The following STING1 variants were observed in gnomAD, a reference collection of about 807,000 sequenced individuals.
STING1 encodes stimulator of interferon genes protein.
In STING1, 19 loss-of-function variants were observed where a neutral mutation model predicts 31.6. That is an observed-to-expected ratio of 0.60 (90% CI 0.42 to 0.88). The LOEUF (loss-of-function observed/expected upper bound fraction) is 0.88. Among genes scored for constraint, STING1 ranks in the 40% least tolerant of loss-of-function variants. The pLI, the probability that STING1 is intolerant of heterozygous loss-of-function variation, is 0.00. For synonymous variants in STING1, 200 were observed against 208.6 expected (o/e 0.96, Z 0.35); for missense variants, 371 against 483.7 (o/e 0.77, Z 2.19).
Position 139,481,039 on chromosome 5 carries a change from G to C in STING1, c.411+120C>G. ...AAACCCACTGTTCCAGGACATTATA[G>C]GTTCTACTCCATGGACTCCAGCCTT... On this transcript the variant is annotated intron_variant, in intron 4 of 7. Transcript: ENST00000330794. The surrounding 1 kb of genome is among the most constrained non-coding windows in gnomAD (Gnocchi z 4.1). 1 of 1,223,420 alleles carries C rather than the reference G, an allele frequency of 8.2e-7. No homozygotes were observed. Among genetic ancestry groups the C allele is most frequent in the African/African-American group, 1.5e-5 (1 of 67,068 alleles). 75.8% of individuals were successfully genotyped at this position (1,223,420 alleles called of 1,614,324 possible). A position where few individuals can be genotyped will look rare whatever the true frequency, so the allele number is the denominator to read the frequency against.
At position 139,481,737 on chromosome 5, in the gene STING1, C is replaced by T; in HGVS notation, c.1-33G>A. On this transcript the variant is annotated intron_variant, in intron 2 of 7. Transcript: ENST00000330794. The surrounding 1 kb of genome is among the most constrained non-coding windows in gnomAD (Gnocchi z 4.1). ...CACCAAGAAATCCATGACCATTCTC[C>T]CCTTGCCCTCCTGCCCTTCTGGGAC... 2 of 1,541,290 alleles carry T rather than the reference C, an allele frequency of 1.3e-6. No individual in the cohort carries two copies. The highest frequency in any genetic ancestry group is 1.2e-5 in the South Asian group (1 of 86,540).
In STING1 at chr5:139,481,810, C is replaced by A; in HGVS notation, c.1-106G>T. 1.1e-6 allele frequency: 1 copy of A among 897,336 alleles called. No homozygotes were observed. Among genetic ancestry groups the A allele is most frequent in the Non-Finnish European group, 1.7e-6 (1 of 583,618 alleles). The allele number at this position is 897,336 out of a possible 1,614,324, so 55.6% of individuals were successfully genotyped here. On this transcript the variant is annotated intron_variant, in intron 2 of 7. Transcript: ENST00000330794. This position sits in a 1 kb window ranked among gnomAD's most constrained non-coding sequence, Gnocchi z 4.1. ...CTCCCAGTTCCCCTTTCCCTGGTGCCCAGCCACTCCCAGAGGCTGCTCTTA... is the reference window on the plus strand; with the variant it reads ...CTCCCAGTTCCCCTTTCCCTGGTGCACAGCCACTCCCAGAGGCTGCTCTTA...
In STING1 at chr5:139,481,449, C is replaced by T. The variant is rs943902151; in HGVS notation, c.227+29G>A. 6.2e-7 allele frequency: 1 copy of T among 1,606,190 alleles called. No individual in the cohort carries two copies. Among genetic ancestry groups the T allele is most frequent in the South Asian group, 1.1e-5 (1 of 90,594 alleles). ...TCAAGGGAGTGACACACGTTGGATA[C>T]CCCGTCCCTGGGTACTGCAGTGAGT... is the stretch of plus-strand genomic sequence containing the variant. On this transcript the variant is annotated intron_variant, in intron 3 of 7. Coordinates refer to ENST00000330794, the MANE Select transcript of STING1 (RefSeq NM_198282.4). This position sits in a 1 kb window ranked among gnomAD's most constrained non-coding sequence, Gnocchi z 4.1.
chr5:139,478,163 A>G, intron 6 of STING1, 107 bp downstream of exon 6: 1 of 835,014 alleles, frequency 1.2e-6, no homozygotes, highest in East Asian at 2.4e-5. Flanking sequence ...AGCTAGGGAC[A>G]CTACAGCTCA....
At position 139,477,667 on chromosome 5, in the gene STING1, T is replaced by G. The variant is rs923985097; in HGVS notation, c.760-152A>C. 6.7e-5 allele frequency: 50 copies of G among 744,560 alleles called. No homozygotes were observed. In the African/African-American group the frequency reaches 8.1e-4, roughly 12 times the overall value. 46.1% of individuals were successfully genotyped at this position (744,560 alleles called of 1,614,324 possible). ...GAGTCCTGGGAGGTGGCCACCCTAATGGGGTCTATGCTGTCTGGCCTGCCT... is the reference window on the plus strand; with the variant it reads ...GAGTCCTGGGAGGTGGCCACCCTAAGGGGGTCTATGCTGTCTGGCCTGCCT... On this transcript the variant is annotated intron_variant, in intron 6 of 7. Coordinates refer to ENST00000330794, the MANE Select transcript of STING1 (RefSeq NM_198282.4).
Position 139,481,013 on chromosome 5 carries a change from C to A in STING1, c.412-115G>T. 5 of 1,206,954 alleles carry A rather than the reference C, an allele frequency of 4.1e-6. No individual in the cohort carries two copies. The highest frequency in any genetic ancestry group is 4.8e-6 in the Non-Finnish European group (4 of 828,138). 74.8% of individuals were successfully genotyped at this position (1,206,954 alleles called of 1,614,324 possible). A position where few individuals can be genotyped will look rare whatever the true frequency, so the allele number is the denominator to read the frequency against. On this transcript the variant is annotated intron_variant, in intron 4 of 7. Coordinates refer to ENST00000330794, the MANE Select transcript of STING1 (RefSeq NM_198282.4). This position sits in a 1 kb window ranked among gnomAD's most constrained non-coding sequence, Gnocchi z 4.1. ...GACTTGATCCCTCTTTTGCCATTGC[C>A]AAACCCACTGTTCCAGGACATTATA...
chr5:139,478,709 A>C, intron 5 of STING1: 3 of 557,556 alleles, frequency 5.4e-6, no homozygotes, highest in South Asian at 2.2e-5. Context: ...ACCACCCTTT[A>C]CCCTCCCTCA....
rs1031115090 is a variant in STING1 at position 139,482,741 on chromosome 5, G to C, written c.-285C>G. 1 of 152,178 alleles carries C rather than the reference G, an allele frequency of 6.6e-6. No homozygotes were observed. Among genetic ancestry groups the C allele is most frequent in the Non-Finnish European group, 1.5e-5 (1 of 68,042 alleles). The allele number at this position is 152,178 out of a possible 1,614,324, so 9.4% of individuals were successfully genotyped here. On this transcript the variant is annotated 5_prime_UTR_variant, in exon 1 of 8. Transcript: ENST00000330794. ...TTTCTGAAAAGTGTGACCTAGGAGG[G>C]AGGAGTGAAAAATGAACAGTTATTT... is the stretch of plus-strand genomic sequence containing the variant.
At chr5:139,476,966 T>C (rs1751679963) in intron 7 of STING1, among the ~76,000 whole-genome samples, 2 of 150,122 alleles carry the variant, frequency 1.3e-5, no homozygotes, top group African/African-American at 4.9e-5. Context: ...CTTTTAAAGC[T>C]AATGCTCAGA....
rs1360440012 is a variant in STING1 at position 139,476,188 on chromosome 5, T to G, written c.*73A>C. Reference sequence around the variant, plus strand: ...GGAAGGAAATAGCTCTGCTGGACATTCAGCCACTGAAGAGAGCCCCCAGTC... The same window carrying G: ...GGAAGGAAATAGCTCTGCTGGACATGCAGCCACTGAAGAGAGCCCCCAGTC... On this transcript the variant is annotated 3_prime_UTR_variant, in exon 8 of 8. Transcript: ENST00000330794. 1 of 1,223,724 alleles carries G rather than the reference T, an allele frequency of 8.2e-7. No homozygotes were observed. The highest frequency in any genetic ancestry group is 1.1e-6 in the Non-Finnish European group (1 of 875,448). The allele number at this position is 1,223,724 out of a possible 1,614,324, so 75.8% of individuals were successfully genotyped here. A position where few individuals can be genotyped will look rare whatever the true frequency, so the allele number is the denominator to read the frequency against.
At chr5:139,480,670 G>C in intron 5 of STING1, 120 bp downstream of exon 5, 1 of 670,870 alleles carries the variant, frequency 1.5e-6, no homozygotes, top group South Asian at 1.8e-5. Context: ...TAAAGGATTT[G>C]GTAGACATGA....
At position 139,478,297 on chromosome 5, in the gene STING1, G is replaced by C. The variant is rs1277337215; in HGVS notation, c.732C>G (p.Ile244Met). The C allele has an allele frequency of 6.2e-7, 1 of 1,614,012 alleles. No homozygotes were observed. The highest frequency in any genetic ancestry group is 8.5e-7 in the Non-Finnish European group (1 of 1,179,956). The change falls in exon 6 of 8, where the codon ATC becomes ATG. Residue 244 changes from isoleucine (I) to methionine (M), a missense_variant. Ile to Met is a conservative substitution (Grantham distance 10, BLOSUM62 1). Coordinates refer to ENST00000330794, the MANE Select transcript of STING1 (RefSeq NM_198282.4). ...GIKDRVYSNS[I>M]YELLENGQRA... ...GCTGCCCGTTCTCCAGAAGCTCATA[G>C]ATGCTGTTGCTGTAAACCCGATCCT...
At chr5:139,480,726 A>C in intron 5 of STING1, 64 bp downstream of exon 5, 3 of 1,008,522 alleles carry the variant, frequency 3.0e-6, no homozygotes, top group Non-Finnish European at 4.7e-6. Flanking sequence ...TAGAAACACA[A>C]GAGGCTGTGT....
intron 5 of STING1, among the ~76,000 whole-genome samples, chr5:139,480,128 T>C (rs1234765063): frequency 2.6e-5 from 4 of 151,322 alleles, no homozygotes; most frequent in African/African-American, 7.3e-5. Flanking sequence ...CCAGGCTGGG[T>C]AACATAGCAA....
chr5:139,478,590 C>G (rs996444401), intron 5 of STING1, 82 bp from the exon 6 acceptor site: 11 of 1,237,514 alleles, frequency 8.9e-6, no homozygotes, highest in Non-Finnish European at 1.3e-5. Context: ...GTCATTGGCC[C>G]CCGCAGTGTG....
At chr5:139,476,559 C>G (rs1442649895) in intron 7 of STING1, 105 bp from the exon 8 acceptor site, 2 of 1,028,292 alleles carry the variant, frequency 1.9e-6, no homozygotes, top group Non-Finnish European at 2.8e-6. Context: ...CCCTACCCCC[C>G]TTCCTACCCA....
intron 7 of STING1, among the ~76,000 whole-genome samples, chr5:139,476,931 G>A (rs1055050869): frequency 2.7e-5 from 4 of 148,488 alleles, no homozygotes; most frequent in African/African-American, 9.9e-5. Context: ...AGTGATTTCA[G>A]AGAGAATGAA....
intron 5 of STING1, among the ~76,000 whole-genome samples, chr5:139,480,369 A>C (rs1751802821): frequency 6.6e-6 from 1 of 152,112 alleles, no homozygotes; most frequent in South Asian, 2.1e-4. Flanking sequence ...AATACGGTGA[A>C]ACCCTGTCTC....
At position 139,475,828 on chromosome 5, in the gene STING1, C is replaced by T. The variant is rs1751639527; in HGVS notation, c.*433G>A. On this transcript the variant is annotated 3_prime_UTR_variant, in exon 8 of 8. Transcript: ENST00000330794. ...CTGCTGGGGCTCCCCAATAATGGAA[C>T]ATGACCAGGAGCCAGAGGGCGAAGG... 1.3e-5 allele frequency: 2 copies of T among 154,808 alleles called. No individual in the cohort carries two copies. Among genetic ancestry groups the T allele is most frequent in the Admixed American group, 6.4e-5 (1 of 15,716 alleles). The allele number at this position is 154,808 out of a possible 1,614,324, so 9.6% of individuals were successfully genotyped here. A position where few individuals can be genotyped will look rare whatever the true frequency, so the allele number is the denominator to read the frequency against.
Sources: gnomAD v4.1 joint callset for allele counts (sites outside exome capture counted in the v4.1 genomes callset) on GRCh38, gnomAD v4.1.1 for gene constraint, Gnocchi (gnomAD v3.1) non-coding constraint, MANE v1.5 for transcripts, NCBI Gene and HGNC (gene_info 2026-07-23, HGNC 2026-07-21) for gene names.